Variants in PCCA observed in about 807,000 individuals in gnomAD.
PCCA encodes the protein propionyl-CoA carboxylase subunit alpha, also known as propionyl-CoA carboxylase alpha chain, mitochondrial.
Under a neutral mutation model 101.3 loss-of-function variants are expected in PCCA, and 74 were observed. The observed-to-expected ratio is 0.73, with a 90% confidence interval of 0.61 to 0.89. PCCA has a LOEUF of 0.89. Among genes scored for constraint, PCCA ranks in the 40% least tolerant of loss-of-function variants. The probability of loss-of-function intolerance (pLI) is 0.00; values close to 1 mark genes in which losing one functional copy is unlikely to be tolerated. For missense variants in PCCA, 891 were observed against 907.0 expected (o/e 0.98, Z 0.23); for synonymous variants, 294 against 313.6 (o/e 0.94, Z 0.66).
chr13:100,296,779 A>G (rs2065571326), intron 12 of PCCA, among the ~76,000 whole-genome samples: 1 of 152,182 alleles, frequency 6.6e-6, no homozygotes, highest in Non-Finnish European at 1.5e-5. Flanking sequence ...TTTCTTATGT[A>G]ACTATAGCAC....
At chr13:100,222,020 C>T (rs1232343491) in intron 7 of PCCA, among the ~76,000 whole-genome samples, 1 of 151,724 alleles carries the variant, frequency 6.6e-6, no homozygotes, top group Non-Finnish European at 1.5e-5. Flanking sequence ...TATAGGTGTC[C>T]AGGTGTGAGC....
intron 21 of PCCA, among the ~76,000 whole-genome samples, chr13:100,483,142 C>A (rs1196515191): frequency 1.3e-5 from 2 of 152,056 alleles, no homozygotes; most frequent in East Asian, 3.9e-4. Flanking sequence ...GGAGGAAAAG[C>A]CACGTTTTAC....
chr13:100,362,999 C>T (rs2074791204), intron 18 of PCCA, among the ~76,000 whole-genome samples: 1 of 152,110 alleles, frequency 6.6e-6, no homozygotes, highest in African/African-American at 2.4e-5. Flanking sequence ...CATAATAAGG[C>T]TCAGATTTTT....
At chr13:100,517,264 A>C (rs751471566) in intron 22 of PCCA, among the ~76,000 whole-genome samples, 2 of 152,224 alleles carry the variant, frequency 1.3e-5, no homozygotes, top group Non-Finnish European at 2.9e-5. Context: ...CAGAGGCAGT[A>C]AACGGGGCGC....
At chr13:100,379,016 C>T (rs750286564) in intron 19 of PCCA, among the ~76,000 whole-genome samples, 18 of 151,974 alleles carry the variant, frequency 1.2e-4, no homozygotes, top group East Asian at 1.9e-4. Flanking sequence ...TGTGTCCTTA[C>T]GTTGATATTT....
intron 19 of PCCA, among the ~76,000 whole-genome samples, chr13:100,401,228 T>C (rs1015721318): frequency 2.0e-5 from 3 of 152,126 alleles, no homozygotes; most frequent in African/African-American, 7.2e-5. Flanking sequence ...TTAACTGTTT[T>C]TTTGTTGTTG....
At chr13:100,410,610 C>A (rs964398574) in intron 19 of PCCA, among the ~76,000 whole-genome samples, 2 of 152,182 alleles carry the variant, frequency 1.3e-5, no homozygotes, top group Non-Finnish European at 2.9e-5. Context: ...GCAGTTCTTG[C>A]GGACCTCTCC....
chr13:100,297,099 A>T (rs930350180), intron 12 of PCCA, among the ~76,000 whole-genome samples: 1 of 152,228 alleles, frequency 6.6e-6, no homozygotes, highest in Non-Finnish European at 1.5e-5. Flanking sequence ...CATTCTGGGC[A>T]GGAATAGAAA....
intron 17 of PCCA, among the ~76,000 whole-genome samples, chr13:100,332,267 C>T (rs1165266331): frequency 6.6e-6 from 1 of 152,110 alleles, no homozygotes; most frequent in Non-Finnish European, 1.5e-5. Context: ...ATCATTTATA[C>T]ATGTATCCAG....
intron 4 of PCCA, among the ~76,000 whole-genome samples, chr13:100,136,684 A>T (rs959477384): frequency 2.0e-5 from 3 of 152,170 alleles, no homozygotes; most frequent in Admixed American, 2.0e-4. Context: ...TGTCCAATTT[A>T]TGCACATAGA....
intron 21 of PCCA, among the ~76,000 whole-genome samples, chr13:100,506,864 A>G (rs1392592144): frequency 6.6e-6 from 1 of 152,222 alleles, no homozygotes; most frequent in African/African-American, 2.4e-5. Flanking sequence ...TTTTTATAAC[A>G]TTTCCTTTAC....
chr13:100,293,000 G>GT (rs35322811), intron 12 of PCCA, among the ~76,000 whole-genome samples: 5 of 147,154 alleles, frequency 3.4e-5, no homozygotes, highest in African/African-American at 5.0e-5. Context: ...CAGATGCTAG[G>GT]TTTTTTTTTA....
chr13:100,469,097 G>A (rs1473175801), intron 21 of PCCA, among the ~76,000 whole-genome samples: 2 of 151,624 alleles, frequency 1.3e-5, no homozygotes, highest in African/African-American at 4.9e-5. Flanking sequence ...TGTAATCCCA[G>A]CTACTAGGGA....
At chr13:100,173,975 G>C (rs550167498) in intron 6 of PCCA, among the ~76,000 whole-genome samples, 64 of 152,188 alleles carry the variant, frequency 4.2e-4, no homozygotes, top group Non-Finnish European at 1.2e-4. Context: ...ATGTGGAGCT[G>C]TAAGTCAATT....
intron 22 of PCCA, among the ~76,000 whole-genome samples, chr13:100,523,035 C>T (rs551040945): frequency 6.6e-6 from 1 of 152,144 alleles, no homozygotes; most frequent in Admixed American, 6.5e-5. Context: ...CCGTTCTCTT[C>T]TTTTTCTTCC....
At chr13:100,316,825 G>A (rs1408707932) in intron 16 of PCCA, among the ~76,000 whole-genome samples, 1 of 151,862 alleles carries the variant, frequency 6.6e-6, no homozygotes, top group Non-Finnish European at 1.5e-5. Context: ...CCAGGCTGGA[G>A]TGTAGTGGCA....
chr13:100,295,194 A>C (rs1184756878), intron 12 of PCCA, among the ~76,000 whole-genome samples: 2 of 152,352 alleles, frequency 1.3e-5, no homozygotes, highest in African/African-American at 4.8e-5. Flanking sequence ...CGTGAACAGA[A>C]AGAGCAGAAT....
At chr13:100,348,764 CTTTCTTT>C (rs2072720297) in intron 18 of PCCA, among the ~76,000 whole-genome samples, 3 of 87,864 alleles carry the variant, frequency 3.4e-5, no homozygotes, top group African/African-American at 9.5e-5. Context: ...TTCTTTCTTT[CTTTCTTT>C]CTTTCTTTCT....
intron 7 of PCCA, among the ~76,000 whole-genome samples, chr13:100,213,947 C>T (rs2059371319): frequency 6.6e-6 from 1 of 152,158 alleles, no homozygotes; most frequent in African/African-American, 2.4e-5. Flanking sequence ...TCTTCTGCAT[C>T]TGGTTATCCG....
Sources: gnomAD v4.1 joint callset for allele counts (sites outside exome capture counted in the v4.1 genomes callset) on GRCh38, gnomAD v4.1.1 for gene constraint, MANE v1.5 for transcripts, NCBI Gene and HGNC (gene_info 2026-07-23, HGNC 2026-07-21) for gene names.